Variants in FER1L6 observed in about 807,000 individuals in gnomAD.
FER1L6 encodes fer-1-like protein 6.
FER1L6 carries 177 observed loss-of-function variants against 219.2 expected under a neutral mutation model. The observed-to-expected ratio is 0.81, with a 90% CI of 0.71 to 0.91. The LOEUF (loss-of-function observed/expected upper bound fraction) is 0.91. FER1L6 is among the 40% of genes least tolerant of loss of function. The pLI is 0.00. For missense variants in FER1L6, 2,153 were observed against 2,259.9 expected (o/e 0.95, Z 0.96); for synonymous variants, 768 against 824.3 (o/e 0.93, Z 1.17).
intron 31 of FER1L6, among the ~76,000 whole-genome samples, chr8:124,072,365 G>T (rs2130875895): frequency 6.6e-6 from 1 of 152,272 alleles, no homozygotes; most frequent in East Asian, 1.9e-4. Flanking sequence ...AAACTTTTCG[G>T]CCTCATTAGC....
Position 123,852,518 on chromosome 8 carries a change from C to T in FER1L6, c.-8+333C>T, listed in dbSNP as rs888447722. Among the ~76,000 whole-genome samples, 20 of 139,502 alleles carry T rather than the reference C, an allele frequency of 1.4e-4. No homozygotes were observed. The highest frequency in any genetic ancestry group is 5.3e-4 in the African/African-American group (20 of 37,564). The allele number at this position is 139,502 out of a possible 152,430, so 91.5% of individuals were successfully genotyped here. A position where few individuals can be genotyped will look rare whatever the true frequency, so the allele number is the denominator to read the frequency against. On this transcript the variant is annotated intron_variant, in intron 1 of 40. Transcript: ENST00000522917. This position sits in a 1 kb window ranked among gnomAD's most constrained non-coding sequence, Gnocchi z 4.9. ...TGTGTGTGTGTGTGTGTGTGTTTGA[C>T]AGAGACAGAGGGAGGAGAAAGAAGA... is the stretch of plus-strand genomic sequence containing the variant.
intron 1 of FER1L6, among the ~76,000 whole-genome samples, chr8:123,951,005 G>A (rs1814736716): frequency 6.6e-6 from 1 of 152,228 alleles, no homozygotes; most frequent in Non-Finnish European, 1.5e-5. Context: ...AAGTAGACGT[G>A]GATTATAAAG....
chr8:124,001,021 A>C (rs566128428), intron 12 of FER1L6, among the ~76,000 whole-genome samples: 1 of 152,262 alleles, frequency 6.6e-6, no homozygotes, highest in African/African-American at 2.4e-5. Context: ...AAGAGGAAGG[A>C]GACTTATGAG....
chr8:124,087,982 C>G (rs539410653), intron 33 of FER1L6, among the ~76,000 whole-genome samples: 5 of 152,270 alleles, frequency 3.3e-5, no homozygotes, highest in Admixed American at 1.3e-4. Context: ...GGAGGGGTGA[C>G]ACACACAGCC....
intron 18 of FER1L6, among the ~76,000 whole-genome samples, chr8:124,030,265 G>T (rs1818897826): frequency 1.3e-5 from 2 of 152,210 alleles, no homozygotes; most frequent in African/African-American, 4.8e-5. Flanking sequence ...AGGAAACAAA[G>T]TGCCTCATCT....
rs562493254 is a variant in FER1L6 at position 123,953,302 on chromosome 8, G to A, written c.-7-2690G>A. On this transcript the variant is annotated intron_variant, in intron 1 of 40. Transcript: ENST00000522917. The stretch of plus-strand genomic sequence containing the variant: ...GGGCCGCGCTGGTTGTAAATCCTTC[G>A]GGCATTCCTGGAAGTTTATTTGGCT... 1.9e-4 allele frequency among the ~76,000 whole-genome samples: 29 copies of A among 152,240 alleles called. No individual in the cohort carries two copies. The South Asian group carries it at 2.3e-3, about 12-fold the overall frequency.
intron 1 of FER1L6, among the ~76,000 whole-genome samples, chr8:123,933,384 GTGTGTGTGTGTGTGTGTC>G (rs1159260184): frequency 1.5e-5 from 2 of 137,148 alleles, no homozygotes; most frequent in Admixed American, 7.0e-5. Flanking sequence ...GTGTCTGTGT[GTGTGTGTGTGTGTGTGTC>G]TGTGTGTGTG....
chr8:123,856,322 A>G (rs796210002), intron 1 of FER1L6, among the ~76,000 whole-genome samples: 824 of 64,172 alleles, frequency 0.013, 117 homozygotes, highest in Middle Eastern at 0.022. Flanking sequence ...ATGTGTATAT[A>G]TATATATATA....
chr8:124,100,179 A>C (rs532159885), intron 37 of FER1L6, among the ~76,000 whole-genome samples: 8 of 152,314 alleles, frequency 5.3e-5, no homozygotes, highest in African/African-American at 1.9e-4. Flanking sequence ...TGCTTTCAGA[A>C]AGCACACGGT....
intron 32 of FER1L6, 121 bp from the exon 33 acceptor site, chr8:124,082,167 C>T (rs1821582419): frequency 4.4e-6 from 3 of 683,820 alleles, no homozygotes; most frequent in South Asian, 2.2e-5. Context: ...TAAGTATTAA[C>T]TGAGTTGCTG....
intron 1 of FER1L6, among the ~76,000 whole-genome samples, chr8:123,933,360 A>T (rs1813849622): frequency 6.6e-6 from 1 of 151,388 alleles, no homozygotes; most frequent in South Asian, 2.1e-4. Flanking sequence ...TGATCTTTCT[A>T]TCATAGCATA....
chr8:123,977,504 AG>A lies in FER1L6; in HGVS notation c.961del (p.Val321Ter). ...FKEMFPPLCR[R>X]VKIQVWDEGS... ...GGAAATGTTCCCTCCCTTGTGTCGG[AG>A]GGTGAAAATCCAGGTGTGGGATGAA... is the stretch of plus-strand genomic sequence containing the variant. On this transcript the variant is annotated frameshift_variant, in exon 10 of 41. Transcript: ENST00000522917. LOFTEE classifies it high-confidence loss of function. 1 of 1,614,032 alleles carries A rather than the reference AG, an allele frequency of 6.2e-7. No homozygotes were observed. Among genetic ancestry groups the A allele is most frequent in the South Asian group, 1.1e-5 (1 of 91,068 alleles).
At chr8:124,081,320 T>C (rs927288409) in intron 32 of FER1L6, among the ~76,000 whole-genome samples, 1 of 152,142 alleles carries the variant, frequency 6.6e-6, no homozygotes, top group Non-Finnish European at 1.5e-5. Context: ...CATTGGGTAA[T>C]TTATCATCAC....
rs1367988103 is a variant in FER1L6 at position 124,018,899 on chromosome 8, T to C, written c.2013+1181T>C. Among the ~76,000 whole-genome samples the C allele has an allele frequency of 2.0e-5, 3 of 152,322 alleles. No homozygotes were observed. The East Asian group carries it at 5.8e-4, about 29-fold the overall frequency. ...CTTAAGTAGCCATTTGAATACTAGG[T>C]CCTGCAGATTCTGCCTCTTAATGAC... On this transcript the variant is annotated intron_variant, in intron 16 of 40. Transcript: ENST00000522917.
At chr8:123,975,067 G>C (rs1018851856) in intron 7 of FER1L6, 83 bp from the exon 8 acceptor site, 1 of 1,283,498 alleles carries the variant, frequency 7.8e-7, no homozygotes, top group African/African-American at 1.5e-5. Context: ...GAGAGCCTGG[G>C]AGGCCTTGGC....
chr8:124,038,825 A>C (rs551321449), intron 19 of FER1L6, among the ~76,000 whole-genome samples: 3 of 152,186 alleles, frequency 2.0e-5, no homozygotes, highest in Non-Finnish European at 4.4e-5. Flanking sequence ...AGCGTTATTC[A>C]AGTTAGTCCA....
intron 1 of FER1L6, among the ~76,000 whole-genome samples, chr8:123,906,728 A>C (rs756861139): frequency 6.6e-6 from 1 of 151,194 alleles, no homozygotes; most frequent in Non-Finnish European, 1.5e-5. Flanking sequence ...TGAACCTGGG[A>C]GGTGGAAGTT....
intron 22 of FER1L6, 90 bp from the exon 23 acceptor site, chr8:124,060,090 G>A: frequency 1.1e-6 from 1 of 909,546 alleles, no homozygotes; most frequent in Admixed American, 1.9e-5. Context: ...TGGCAAAACA[G>A]TGAACATCTT....
intron 1 of FER1L6, among the ~76,000 whole-genome samples, chr8:123,895,648 C>T (rs1054162217): frequency 9.2e-5 from 14 of 152,052 alleles, no homozygotes; most frequent in African/African-American, 1.9e-4. Flanking sequence ...TGTGAGTCAG[C>T]GAGTAACTTG....
Sources: allele counts gnomAD v4.1 joint callset (sites outside exome capture counted in the v4.1 genomes callset), GRCh38; gene constraint gnomAD v4.1.1; non-coding constraint Gnocchi (gnomAD v3.1); transcripts MANE v1.5; gene names NCBI Gene and HGNC (gene_info 2026-07-23, HGNC 2026-07-21).